The following ETFBKMT variants were observed in gnomAD, a reference collection of about 807,000 sequenced individuals.
ETFBKMT encodes electron transfer flavoprotein beta subunit lysine methyltransferase.
A neutral mutation model predicts 18.3 loss-of-function variants in ETFBKMT; 13 were observed. The observed-to-expected ratio is 0.71, with a 90% CI of 0.46 to 1.13. The LOEUF (loss-of-function observed/expected upper bound fraction) is 1.13. Ranked by LOEUF, ETFBKMT falls within the 50% of genes most tolerant of loss-of-function variation. The probability of loss-of-function intolerance (pLI) is 0.00; values close to 1 mark genes in which losing one functional copy is unlikely to be tolerated. For missense variants in ETFBKMT, 293 were observed against 306.2 expected, an observed-to-expected ratio of 0.96 and a Z score of 0.32; for synonymous variants, 84 against 107.9, an observed-to-expected ratio of 0.78 and a Z score of 1.37.
chr12:31,655,706 C>T (rs147432072), upstream of ETFBKMT, among the ~76,000 whole-genome samples: 5 of 152,326 alleles, frequency 3.3e-5, no homozygotes, highest in East Asian at 7.7e-4. Context: ...ATTTGCTTCA[C>T]GCCTATCTCC....
In ETFBKMT at chr12:31,671,967, C is replaced by A; in HGVS notation, c.*3977C>A. ...CTTAGAACAATAGCTCAAATACCTA[C>A]ATAGGAGAAGGAAATCTCAAGGGAA... On this transcript the variant is annotated 3_prime_UTR_variant, in exon 4 of 4. Coordinates refer to ENST00000357721, the MANE Select transcript of ETFBKMT (RefSeq NM_001135863.2). 1 of 191,836 alleles carries A rather than the reference C, an allele frequency of 5.2e-6. No individual in the cohort carries two copies. Among genetic ancestry groups the A allele is most frequent in the East Asian group, 1.3e-4 (1 of 7,846 alleles). 11.9% of individuals were successfully genotyped at this position (191,836 alleles called of 1,614,324 possible).
rs1951248188 is a variant in ETFBKMT at position 31,670,060 on chromosome 12, CAGGCTGGTCTCGA to C, written c.*2072_*2084del. 4.6e-5 allele frequency: 7 copies of C among 152,318 alleles called. No individual in the cohort carries two copies. Among genetic ancestry groups the C allele is most frequent in the Admixed American group, 4.6e-4 (7 of 15,276 alleles). The allele number at this position is 152,318 out of a possible 1,614,324, so 9.4% of individuals were successfully genotyped here. The stretch of plus-strand genomic sequence containing the variant: ...AAAGACAGGGCTTCGCCATGTTGGC[CAGGCTGGTCTCGA>C]ACTCCTGACCTCAGGTGATCCACCT... On this transcript the variant is annotated 3_prime_UTR_variant, in exon 4 of 4. Coordinates refer to ENST00000357721, the MANE Select transcript of ETFBKMT (RefSeq NM_001135863.2).
At position 31,671,084 on chromosome 12, in the gene ETFBKMT, A is replaced by C. The variant is rs1007932381; in HGVS notation, c.*3094A>C. ...AGATAAATCCTTCATAGACCCAAAGAAGCTCACAATTTAGATGTCGAAACT... is the reference window on the plus strand; with the variant it reads ...AGATAAATCCTTCATAGACCCAAAGCAGCTCACAATTTAGATGTCGAAACT... On this transcript the variant is annotated 3_prime_UTR_variant, in exon 4 of 4. Transcript: ENST00000357721. 2.0e-5 allele frequency: 3 copies of C among 152,228 alleles called. No homozygotes were observed. Among genetic ancestry groups the C allele is most frequent in the Non-Finnish European group, 4.4e-5 (3 of 68,038 alleles). 9.4% of individuals were successfully genotyped at this position (152,228 alleles called of 1,614,324 possible). A position where few individuals can be genotyped will look rare whatever the true frequency, so the allele number is the denominator to read the frequency against.
At chr12:31,661,664 A>T (rs1393840313) in intron 1 of ETFBKMT, among the ~76,000 whole-genome samples, 177 bp from the exon 2 acceptor site, 8 of 151,934 alleles carry the variant, frequency 5.3e-5, no homozygotes, top group Admixed American at 3.9e-4. Context: ...TTTCACCATG[A>T]TGGCCACACT....
At chr12:31,653,023 A>G (rs946216120) in intron 1 of ETFBKMT, among the ~76,000 whole-genome samples, 4 of 152,226 alleles carry the variant, frequency 2.6e-5, no homozygotes, top group Non-Finnish European at 4.4e-5. Flanking sequence ...AGCCTGGGCA[A>G]CACGGTGAAA....
upstream of ETFBKMT, among the ~76,000 whole-genome samples, chr12:31,656,016 T>C (rs1471352186): frequency 6.6e-6 from 1 of 152,228 alleles, no homozygotes; most frequent in African/African-American, 2.4e-5. Context: ...AATGAGATAC[T>C]GATATGTAAT....
chr12:31,647,776 C>T (rs1438898513), intron 1 of ETFBKMT, among the ~76,000 whole-genome samples: 2 of 152,076 alleles, frequency 1.3e-5, no homozygotes, highest in Non-Finnish European at 2.9e-5. Flanking sequence ...TTGCAGTGAG[C>T]CAAGATCACG....
intron 2 of ETFBKMT, among the ~76,000 whole-genome samples, chr12:31,663,161 C>T (rs1213284078): frequency 2.0e-5 from 3 of 151,134 alleles, no homozygotes; most frequent in East Asian, 2.0e-4. Flanking sequence ...GGTGTGATCT[C>T]GGCTCACTGC....
intron 1 of ETFBKMT, among the ~76,000 whole-genome samples, chr12:31,660,300 C>T (rs1951106216): frequency 6.6e-6 from 1 of 151,826 alleles, no homozygotes; most frequent in Admixed American, 6.6e-5. Context: ...CAGTCTCCAG[C>T]TTGCCACAGC....
Position 31,667,631 on chromosome 12 carries a change from T to C in ETFBKMT, c.446-16T>C. The C allele has an allele frequency of 1.8e-5, 4 of 220,256 alleles. No homozygotes were observed. Among genetic ancestry groups the C allele is most frequent in the Non-Finnish European group, 3.1e-5 (4 of 129,336 alleles). The allele number at this position is 220,256 out of a possible 1,614,324, so 13.6% of individuals were successfully genotyped here. A position where few individuals can be genotyped will look rare whatever the true frequency, so the allele number is the denominator to read the frequency against. On this transcript the variant is annotated splice_polypyrimidine_tract_variant and intron_variant, in intron 3 of 3. Coordinates refer to ENST00000357721, the MANE Select transcript of ETFBKMT (RefSeq NM_001135863.2). The stretch of plus-strand genomic sequence containing the variant: ...TAGCATATACCAATTCATTTTGTGC[T>C]TTTTTTTTTTTTAAGTTGCAGGAAT...
chr12:31,649,799 C>T (rs550289019), intron 1 of ETFBKMT, among the ~76,000 whole-genome samples: 13 of 146,804 alleles, frequency 8.9e-5, no homozygotes, highest in Admixed American at 8.3e-4. Flanking sequence ...AATCTCTCTC[C>T]GTAGCGAAGT....
intron 1 of ETFBKMT, among the ~76,000 whole-genome samples, chr12:31,652,135 C>T (rs1252213958): frequency 6.6e-6 from 1 of 152,214 alleles, no homozygotes; most frequent in African/African-American, 2.4e-5. Context: ...TCTATGAGCC[C>T]TATGTAAATC....
At position 31,668,960 on chromosome 12, in the gene ETFBKMT, A is replaced by G. The variant is rs1833691690; in HGVS notation, c.*970A>G. The G allele has an allele frequency of 6.6e-6, 1 of 152,240 alleles. No homozygotes were observed. The highest frequency in any genetic ancestry group is 1.5e-5 in the Non-Finnish European group (1 of 68,052). 9.4% of individuals were successfully genotyped at this position (152,240 alleles called of 1,614,324 possible). On this transcript the variant is annotated 3_prime_UTR_variant, in exon 4 of 4. Coordinates refer to ENST00000357721, the MANE Select transcript of ETFBKMT (RefSeq NM_001135863.2). ...ATCTGGTAATTCTAAAATGTCTGCC[A>G]TAACTGAGTCTGGTTCTGATGCTTG...
intron 1 of ETFBKMT, among the ~76,000 whole-genome samples, chr12:31,651,624 G>A (rs1260840753): frequency 6.6e-6 from 1 of 152,034 alleles, no homozygotes; most frequent in African/African-American, 2.4e-5. Context: ...GGGCCACCGC[G>A]CCCGGCCGAT....
intron 1 of ETFBKMT, among the ~76,000 whole-genome samples, chr12:31,653,862 C>G (rs1341206239): frequency 1.3e-5 from 2 of 151,948 alleles, no homozygotes; most frequent in African/African-American, 4.8e-5. Context: ...GTGGGAGAAT[C>G]ACTTGAACCT....
chr12:31,654,767 A>G (rs567995827), upstream of ETFBKMT, among the ~76,000 whole-genome samples: 3 of 152,246 alleles, frequency 2.0e-5, no homozygotes, highest in South Asian at 6.2e-4. Flanking sequence ...TAGAAGGGAG[A>G]AGGACTGGAC....
At position 31,667,630 on chromosome 12, in the gene ETFBKMT, CTTTTTT is replaced by C; in HGVS notation, c.446-9_446-4del. 2 of 1,378,004 alleles carry C rather than the reference CTTTTTT, an allele frequency of 1.5e-6. No homozygotes were observed. The highest frequency in any genetic ancestry group is 1.3e-5 in the South Asian group (1 of 77,766). The allele number at this position is 1,378,004 out of a possible 1,614,324, so 85.4% of individuals were successfully genotyped here. ...CTAGCATATACCAATTCATTTTGTG[CTTTTTT>C]TTTTTTTAAGTTGCAGGAATGGCTA... On this transcript the variant is annotated splice_polypyrimidine_tract_variant and intron_variant, in intron 3 of 3. Transcript: ENST00000357721.
chr12:31,663,663 T>C (rs765739889), intron 2 of ETFBKMT, among the ~76,000 whole-genome samples: 8 of 152,254 alleles, frequency 5.3e-5, no homozygotes, highest in Non-Finnish European at 1.0e-4. Flanking sequence ...GCAAACAGTT[T>C]GTTAAGCAGA....
Position 31,667,977 on chromosome 12 carries a change from G to A in ETFBKMT, c.776G>A (p.Gly259Asp), listed in dbSNP as rs75288003. 2 of 1,611,860 alleles carry A rather than the reference G, an allele frequency of 1.2e-6. No homozygotes were observed. Among genetic ancestry groups the A allele is most frequent in the Admixed American group, 1.7e-5 (1 of 59,824 alleles). The change falls in exon 4 of 4, where the codon GGT becomes GAT. Residue 259 changes from glycine (G) to aspartate (D), a missense_variant. Physicochemically the swap from Gly to Asp is moderately conservative, Grantham distance 94. Coordinates refer to ENST00000357721, the MANE Select transcript of ETFBKMT (RefSeq NM_001135863.2). The stretch of plus-strand genomic sequence containing the variant: ...GGACTGACAACAAGCACAGTGTGGG[G>A]TTTTCAGCCTTGAGTTGTCAAAGTG... ...NSGLTTSTVW[G>D]FQP
Sources: gnomAD v4.1 joint callset for allele counts (sites outside exome capture counted in the v4.1 genomes callset) on GRCh38, gnomAD v4.1.1 for gene constraint, MANE v1.5 for transcripts, NCBI Gene and HGNC (gene_info 2026-07-23, HGNC 2026-07-21) for gene names.